PARD3B: variants seen among roughly 807,000 people sequenced by gnomAD.
PARD3B encodes par-3 family cell polarity regulator beta, also known as partitioning defective 3 homolog B.
In PARD3B, 103 loss-of-function variants were observed where a neutral mutation model predicts 130.2. That is an observed-to-expected ratio of 0.79 (90% CI 0.67 to 0.93). PARD3B has a LOEUF of 0.93. Ranked by LOEUF, PARD3B falls within the 40% of genes least tolerant of loss-of-function variation. PARD3B has a pLI of 0.00. For missense variants in PARD3B, 1,609 were observed against 1,499.2 expected (o/e 1.07, Z -1.21); for synonymous variants, 583 against 553.2 (o/e 1.05, Z -0.76).
intron 2 of PARD3B, among the ~76,000 whole-genome samples, chr2:204,693,886 A>G (rs2037467170): frequency 6.6e-6 from 1 of 152,038 alleles, no homozygotes; most frequent in Admixed American, 6.6e-5. Flanking sequence ...TATTAGCTCC[A>G]TGAGGAGGGG....
At chr2:205,540,749 T>C (rs909709407) in intron 21 of PARD3B, among the ~76,000 whole-genome samples, 7 of 152,216 alleles carry the variant, frequency 4.6e-5, no homozygotes, top group Admixed American at 2.0e-4. Context: ...AGAATGACAT[T>C]AATTATGCGA....
chr2:205,565,720 A>T (rs953425343), intron 22 of PARD3B, among the ~76,000 whole-genome samples: 4 of 152,120 alleles, frequency 2.6e-5, no homozygotes, highest in Non-Finnish European at 5.9e-5. Context: ...AAAGTCATCT[A>T]CTCTCCATAT....
At chr2:204,632,241 G>A (rs2034704264) in intron 1 of PARD3B, among the ~76,000 whole-genome samples, 1 of 152,072 alleles carries the variant, frequency 6.6e-6, no homozygotes, top group Admixed American at 6.5e-5. Context: ...TTTGCCTTCT[G>A]CCATGATTGT....
Position 205,394,000 on chromosome 2 carries a change from A to T in PARD3B, c.2631-7013A>T, listed in dbSNP as rs565468159. 2.0e-5 allele frequency among the ~76,000 whole-genome samples: 3 copies of T among 152,256 alleles called. No homozygotes were observed. The East Asian group carries it at 5.8e-4, about 29-fold the overall frequency. ...TTAAAATCTTTATTATATAGAAAAA[A>T]TAGGATTCTAGGGACTTAGTTTAAT... On this transcript the variant is annotated intron_variant, in intron 18 of 22. Transcript: ENST00000406610.
At chr2:204,932,113 T>A (rs1183211553) in intron 2 of PARD3B, among the ~76,000 whole-genome samples, 1 of 152,134 alleles carries the variant, frequency 6.6e-6, no homozygotes, top group Non-Finnish European at 1.5e-5. Context: ...CTTTTCATCA[T>A]TCATGCTTTC....
At chr2:204,627,146 T>C (rs2034515241) in intron 1 of PARD3B, among the ~76,000 whole-genome samples, 1 of 152,166 alleles carries the variant, frequency 6.6e-6, no homozygotes, top group African/African-American at 2.4e-5. Context: ...CCTTCCGCCA[T>C]GATTGTAGGT....
intron 1 of PARD3B, among the ~76,000 whole-genome samples, chr2:204,662,727 G>C (rs2035865435): frequency 6.6e-6 from 1 of 152,130 alleles, no homozygotes; most frequent in South Asian, 2.1e-4. Flanking sequence ...CTGGGTAGTG[G>C]TAAAAAACAA....
chr2:205,060,886 C>A (rs753735318), intron 4 of PARD3B, among the ~76,000 whole-genome samples: 1 of 151,962 alleles, frequency 6.6e-6, no homozygotes, highest in Non-Finnish European at 1.5e-5. Flanking sequence ...TCACTAGGGT[C>A]ATGTATAGAG....
intron 2 of PARD3B, among the ~76,000 whole-genome samples, chr2:204,775,745 T>C (rs2041592067): frequency 6.6e-6 from 1 of 152,170 alleles, no homozygotes. Context: ...TCTCTTCTAG[T>C]TATTTCTTAG....
chr2:204,818,935 A>G (rs767078961), intron 2 of PARD3B, among the ~76,000 whole-genome samples: 1 of 152,178 alleles, frequency 6.6e-6, no homozygotes, highest in East Asian at 1.9e-4. Flanking sequence ...GTTTTGGAAC[A>G]TGTTAAGTAA....
At chr2:205,156,984 A>C (rs1161974028) in intron 10 of PARD3B, among the ~76,000 whole-genome samples, 6 of 152,208 alleles carry the variant, frequency 3.9e-5, no homozygotes, top group African/African-American at 1.4e-4. Flanking sequence ...TCATAAAATG[A>C]AGTGATTTGA....
At chr2:205,472,577 C>T (rs1332621947) in intron 20 of PARD3B, among the ~76,000 whole-genome samples, 2 of 151,996 alleles carry the variant, frequency 1.3e-5, no homozygotes, top group Non-Finnish European at 2.9e-5. Context: ...CATGTTTGTT[C>T]CTCTCAAGAC....
intron 3 of PARD3B, among the ~76,000 whole-genome samples, chr2:204,968,613 G>C (rs571065915): frequency 3.3e-5 from 5 of 152,306 alleles, no homozygotes; most frequent in Admixed American, 2.0e-4. Context: ...TGCAGATACT[G>C]TTCTCTTTAG....
intron 20 of PARD3B, among the ~76,000 whole-genome samples, chr2:205,442,973 A>G (rs909483211): frequency 2.0e-5 from 3 of 152,176 alleles, no homozygotes; most frequent in Non-Finnish European, 2.9e-5. Context: ...ATTTTTGGAT[A>G]GCAGATCAAA....
At chr2:204,829,710 G>A (rs115153557) in intron 2 of PARD3B, among the ~76,000 whole-genome samples, 3,781 of 152,190 alleles carry the variant, frequency 0.025, 71 homozygotes, top group South Asian at 0.077. Flanking sequence ...TTAAAAATGT[G>A]TAGCACTGGC....
Position 205,499,942 on chromosome 2 carries a change from A to G in PARD3B, c.3091A>G (p.Lys1031Glu), listed in dbSNP as rs1353410840. The change falls in exon 21 of 23, where the codon AAA becomes GAA. Residue 1031 changes from lysine (K) to glutamate (E), a missense_variant. Transcript: ENST00000406610. ...CACTGACCGTATCCAGAAGTTGCGG[A>G]AAGAGTATTATCAGGCTCGGAGGGA... ...GSTDRIQKLR[K>E]EYYQARREGF... The G allele has an allele frequency of 1.2e-6, 2 of 1,613,892 alleles. No homozygotes were observed. The highest frequency in any genetic ancestry group is 1.7e-6 in the Non-Finnish European group (2 of 1,179,804).
Position 204,545,916 on chromosome 2 carries a change from C to G in PARD3B, c.-84C>G, listed in dbSNP as rs1422222123. The G allele has an allele frequency of 7.1e-7, 1 of 1,408,656 alleles. No individual in the cohort carries two copies. Among genetic ancestry groups the G allele is most frequent in the Non-Finnish European group, 9.3e-7 (1 of 1,080,492 alleles). The allele number at this position is 1,408,656 out of a possible 1,614,324, so 87.3% of individuals were successfully genotyped here. A position where few individuals can be genotyped will look rare whatever the true frequency, so the allele number is the denominator to read the frequency against. Reference sequence around the variant, plus strand: ...CCCCGGGTCTCTGGGCCCACCCGCCCCGGGCGTCCTCCGAGAGTGGGGGCT... The same window carrying G: ...CCCCGGGTCTCTGGGCCCACCCGCCGCGGGCGTCCTCCGAGAGTGGGGGCT... On this transcript the variant is annotated 5_prime_UTR_variant, in exon 1 of 23. Coordinates refer to ENST00000406610, the MANE Select transcript of PARD3B (RefSeq NM_001302769.2).
intron 2 of PARD3B, among the ~76,000 whole-genome samples, chr2:204,864,612 C>A (rs1397900167): frequency 6.6e-6 from 1 of 152,174 alleles, no homozygotes; most frequent in Admixed American, 6.6e-5. Context: ...CATCACTTTC[C>A]TCTTTCTCCA....
intron 4 of PARD3B, among the ~76,000 whole-genome samples, chr2:205,054,580 T>A (rs1420133169): frequency 1.3e-5 from 2 of 151,220 alleles, no homozygotes; most frequent in African/African-American, 4.9e-5. Flanking sequence ...TATCTCCTAA[T>A]GCTATCCCTT....
Sources: allele counts gnomAD v4.1 joint callset (sites outside exome capture counted in the v4.1 genomes callset), GRCh38; gene constraint gnomAD v4.1.1; transcripts MANE v1.5; gene names NCBI Gene and HGNC (gene_info 2026-07-23, HGNC 2026-07-21).